The following ADAMTS17 variants were observed in gnomAD, a reference collection of about 807,000 sequenced individuals.
ADAMTS17 encodes the protein A disintegrin and metalloproteinase with thrombospondin motifs 17.
Under a neutral mutation model 141.5 loss-of-function variants are expected in ADAMTS17, and 113 were observed. The observed-to-expected ratio is 0.80, with a 90% confidence interval of 0.69 to 0.93. ADAMTS17 has a LOEUF of 0.93. ADAMTS17 is among the 40% of genes least tolerant of loss of function. The pLI is 0.00. For missense variants in ADAMTS17, 1,659 were observed against 1,517.9 expected (o/e 1.09, Z -1.54); for synonymous variants, 768 against 630.6 (o/e 1.22, Z -3.27).
chr15:100,087,320 A>G (rs2035172633), intron 15 of ADAMTS17, among the ~76,000 whole-genome samples: 1 of 152,248 alleles, frequency 6.6e-6, no homozygotes. Context: ...GACCAATAAC[A>G]GGCTCAAAAA....
intron 3 of ADAMTS17, among the ~76,000 whole-genome samples, chr15:100,323,526 T>A (rs1324523853): frequency 6.6e-6 from 1 of 152,020 alleles, no homozygotes; most frequent in African/African-American, 2.4e-5. Context: ...ATACAGAAAT[T>A]AAATATGAAG....
intron 7 of ADAMTS17, among the ~76,000 whole-genome samples, chr15:100,236,925 G>A (rs963268704): frequency 6.6e-6 from 1 of 152,148 alleles, no homozygotes; most frequent in African/African-American, 2.4e-5. Flanking sequence ...GTCTGTCACA[G>A]GAGGGAACTC....
intron 15 of ADAMTS17, among the ~76,000 whole-genome samples, chr15:100,090,414 C>T (rs577559974): frequency 1.3e-5 from 2 of 152,298 alleles, no homozygotes; most frequent in East Asian, 1.9e-4. Context: ...CTGCAGAATC[C>T]GACAGAGCTG....
intron 2 of ADAMTS17, among the ~76,000 whole-genome samples, chr15:100,339,679 C>A (rs1289467656): frequency 9.9e-6 from 1 of 101,094 alleles, no homozygotes; most frequent in African/African-American, 3.4e-5. Context: ...ATTCCCCGCC[C>A]CAGGTCCACA....
chr15:100,158,753 G>A (rs989323458), intron 8 of ADAMTS17, among the ~76,000 whole-genome samples: 9 of 152,136 alleles, frequency 5.9e-5, no homozygotes, highest in African/African-American at 2.2e-4. Flanking sequence ...AAATATATAT[G>A]AAGCTCCTAC....
At chr15:100,313,628 C>A (rs939475826) in intron 3 of ADAMTS17, among the ~76,000 whole-genome samples, 4 of 152,214 alleles carry the variant, frequency 2.6e-5, no homozygotes, top group Non-Finnish European at 5.9e-5. Context: ...AGTTGACATC[C>A]CCAATAATGG....
At chr15:100,068,512 A>G (rs1596338298) in intron 15 of ADAMTS17, among the ~76,000 whole-genome samples, 1 of 152,238 alleles carries the variant, frequency 6.6e-6, no homozygotes, top group Admixed American at 6.5e-5. Flanking sequence ...CAGTAGGGGC[A>G]GACTGACACC....
rs528862896 is a variant in ADAMTS17, at chr15:100,141,547, GTGTGAAGTCTT to G, written c.1474-8243_1474-8233del. ...CAAATTTTCCACACATACTACTGCA[GTGTGAAGTCTT>G]CCCCGGGCCAGCATGCCAGCCCCAC... is the stretch of plus-strand genomic sequence containing the variant. On this transcript the variant is annotated intron_variant, in intron 10 of 21. Transcript: ENST00000268070. Among the ~76,000 whole-genome samples the G allele has an allele frequency of 9.9e-4, 151 of 152,308 alleles. 2 individuals carry two copies. The highest frequency in any genetic ancestry group is 3.6e-3 in the African/African-American group (148 of 41,568).
intron 10 of ADAMTS17, among the ~76,000 whole-genome samples, chr15:100,140,488 C>CATATATATATATATATCTATAT (rs2038579773): frequency 8.0e-6 from 1 of 124,936 alleles, no homozygotes; most frequent in Non-Finnish European, 1.8e-5. Context: ...CACATACATA[C>CATATATATATATATATCTATAT]ATATATATAT....
At chr15:100,183,845 C>G (rs1307444807) in intron 8 of ADAMTS17, among the ~76,000 whole-genome samples, 2 of 152,216 alleles carry the variant, frequency 1.3e-5, no homozygotes, top group Non-Finnish European at 2.9e-5. Flanking sequence ...TTCAGAGGCC[C>G]TGCAATGTTA....
At chr15:100,090,724 C>T (rs892059324) in intron 15 of ADAMTS17, among the ~76,000 whole-genome samples, 5 of 152,080 alleles carry the variant, frequency 3.3e-5, no homozygotes, top group Admixed American at 3.3e-4. Flanking sequence ...AAAAAGGAAA[C>T]CAGCTGGGCG....
chr15:100,040,911 T>A (rs2141535767), intron 18 of ADAMTS17, among the ~76,000 whole-genome samples: 1 of 152,298 alleles, frequency 6.6e-6, no homozygotes. Flanking sequence ...CACAATTAGA[T>A]TTACCTATTT....
chr15:100,078,843 T>C (rs756307755), intron 15 of ADAMTS17, among the ~76,000 whole-genome samples: 1 of 152,162 alleles, frequency 6.6e-6, no homozygotes, highest in Non-Finnish European at 1.5e-5. Flanking sequence ...GCATCCAGAA[T>C]ATATAAAGAA....
chr15:99,998,157 C>T (rs1396471234), intron 18 of ADAMTS17, among the ~76,000 whole-genome samples: 1 of 152,140 alleles, frequency 6.6e-6, no homozygotes, highest in Non-Finnish European at 1.5e-5. Flanking sequence ...CCCCCCAGCC[C>T]ACACCGGTCC....
At chr15:100,279,152 C>A (rs963877730) in intron 4 of ADAMTS17, among the ~76,000 whole-genome samples, 4 of 152,210 alleles carry the variant, frequency 2.6e-5, no homozygotes, top group African/African-American at 9.6e-5. Flanking sequence ...GAGGTCCCAG[C>A]AACATAACAT....
chr15:100,092,735 C>T (rs189379628), intron 15 of ADAMTS17, among the ~76,000 whole-genome samples: 2 of 152,228 alleles, frequency 1.3e-5, no homozygotes, highest in Admixed American at 6.5e-5. Context: ...GGATCCTCAC[C>T]CCACCCTTTC....
chr15:100,100,062 AC>A (rs137882905), intron 14 of ADAMTS17, among the ~76,000 whole-genome samples: 1,542 of 152,210 alleles, frequency 0.01, 36 homozygotes, highest in African/African-American at 0.035. Flanking sequence ...TGTAACGCCC[AC>A]CCTGTCTCTG....
chr15:100,019,881 C>T (rs532695772), intron 18 of ADAMTS17, among the ~76,000 whole-genome samples: 1 of 152,312 alleles, frequency 6.6e-6, no homozygotes, highest in South Asian at 2.1e-4. Flanking sequence ...GATGATTCTG[C>T]ACCACTGGCC....
chr15:100,121,878 C>T (rs921150257), intron 12 of ADAMTS17, among the ~76,000 whole-genome samples: 7 of 152,080 alleles, frequency 4.6e-5, no homozygotes, highest in Non-Finnish European at 1.0e-4. Flanking sequence ...CCAAGCACAC[C>T]AACTTTTTGG....
Sources: gnomAD v4.1 joint callset for allele counts (sites outside exome capture counted in the v4.1 genomes callset) on GRCh38, gnomAD v4.1.1 for gene constraint, MANE v1.5 for transcripts, NCBI Gene and HGNC (gene_info 2026-07-23, HGNC 2026-07-21) for gene names.